ZNF385D: variants seen among roughly 807,000 people sequenced by gnomAD.
ZNF385D encodes the protein zinc finger protein 659.
ZNF385D carries 15 observed loss-of-function variants against 35.8 expected under a neutral mutation model. The observed-to-expected ratio is 0.42, with a 90% CI of 0.28 to 0.64. The LOEUF (loss-of-function observed/expected upper bound fraction) is 0.64. Ranked by LOEUF, ZNF385D falls within the 30% of genes least tolerant of loss-of-function variation. The pLI is 0.23. For synonymous variants in ZNF385D, 212 were observed against 186.8 expected (o/e 1.13, Z -1.10); for missense variants, 474 against 494.6 (o/e 0.96, Z 0.39).
intron 2 of ZNF385D, among the ~76,000 whole-genome samples, chr3:22,346,995 A>T (rs879316711): frequency 5.9e-5 from 9 of 152,162 alleles, no homozygotes; most frequent in Non-Finnish European, 1.3e-4. Context: ...ACCATTTGGG[A>T]CTTTCAATCT....
chr3:21,896,716 T>C (rs564054118), intron 3 of ZNF385D, among the ~76,000 whole-genome samples: 1 of 152,276 alleles, frequency 6.6e-6, no homozygotes, highest in African/African-American at 2.4e-5. Flanking sequence ...AGTTCCTTTT[T>C]GGGAGTGTCA....
chr3:22,190,028 A>G (rs1695909034), intron 2 of ZNF385D, among the ~76,000 whole-genome samples: 1 of 152,152 alleles, frequency 6.6e-6, no homozygotes, highest in Non-Finnish European at 1.5e-5. Context: ...GTTTGGAAAA[A>G]TGAACACTTA....
intron 2 of ZNF385D, among the ~76,000 whole-genome samples, chr3:22,317,280 C>CAAAAAAAAAAAAAAAAAA: frequency 3.8e-5 from 1 of 26,098 alleles, no homozygotes; most frequent in Non-Finnish European, 6.6e-5. Flanking sequence ...ACTCCATCTC[C>CAAAAAAAAAAAAAAAAAA]AAAAAAAAAA....
chr3:21,895,319 CTTTTTTTTT>C (rs34167369), intron 3 of ZNF385D, among the ~76,000 whole-genome samples: 41 of 62,694 alleles, frequency 6.5e-4, no homozygotes, highest in African/African-American at 2.5e-3. Flanking sequence ...AAATGTGTGG[CTTTTTTTTT>C]TTTTTTTTTT....
chr3:21,578,942 A>G (rs1013544001), intron 2 of ZNF385D, among the ~76,000 whole-genome samples: 3 of 152,302 alleles, frequency 2.0e-5, no homozygotes, highest in Middle Eastern at 3.4e-3. Context: ...CTTAATATCT[A>G]TGGAGAAAAC....
intron 3 of ZNF385D, among the ~76,000 whole-genome samples, chr3:21,980,269 C>A (rs1380780941): frequency 6.6e-6 from 1 of 152,146 alleles, no homozygotes; most frequent in Non-Finnish European, 1.5e-5. Context: ...TGTCCAATAA[C>A]TTAACGGTAA....
Position 21,603,967 on chromosome 3 carries a change from C to T in ZNF385D, c.166-39283G>A, listed in dbSNP as rs115089807. On this transcript the variant is annotated intron_variant, in intron 2 of 7. Coordinates refer to ENST00000281523, the MANE Select transcript of ZNF385D (RefSeq NM_024697.3). ...AACTCCAGGCTGAGGCAGTGAAAAG[C>T]CCCCATATAATTCAGTTCAATTATA... Among the ~76,000 whole-genome samples the T allele has an allele frequency of 2.3e-3, 355 of 152,166 alleles. 1 individual carries two copies. Among genetic ancestry groups the T allele is most frequent in the African/African-American group, 8.1e-3 (338 of 41,518 alleles).
intron 2 of ZNF385D, among the ~76,000 whole-genome samples, chr3:22,180,951 C>T (rs1695227755): frequency 9.0e-6 from 1 of 111,280 alleles, no homozygotes. Context: ...TTTGCTTTCT[C>T]CTTCTCTCAT....
chr3:21,810,337 C>T (rs1290143751), intron 3 of ZNF385D, among the ~76,000 whole-genome samples: 1 of 140,738 alleles, frequency 7.1e-6, no homozygotes, highest in Non-Finnish European at 1.5e-5. Context: ...ATCACCATTA[C>T]TTAAAAAAAA....
At chr3:21,475,208 T>C (rs1209110999) in intron 4 of ZNF385D, among the ~76,000 whole-genome samples, 1 of 152,020 alleles carries the variant, frequency 6.6e-6, no homozygotes, top group Non-Finnish European at 1.5e-5. Context: ...AATTGTGGTT[T>C]TTGCCATTAA....
chr3:21,947,837 TA>T (rs1214072140), intron 3 of ZNF385D, among the ~76,000 whole-genome samples: 3 of 152,160 alleles, frequency 2.0e-5, no homozygotes, highest in African/African-American at 4.8e-5. Flanking sequence ...AAGTCAGGGT[TA>T]TGTATTTGTC....
At chr3:22,043,661 C>T (rs1221146910) in intron 3 of ZNF385D, among the ~76,000 whole-genome samples, 1 of 124,684 alleles carries the variant, frequency 8.0e-6, no homozygotes, top group Non-Finnish European at 1.8e-5. Flanking sequence ...CCGAGATGCC[C>T]CACCAGTGAC....
At chr3:21,976,458 C>T (rs1014488543) in intron 3 of ZNF385D, among the ~76,000 whole-genome samples, 2 of 152,014 alleles carry the variant, frequency 1.3e-5, no homozygotes, top group African/African-American at 4.8e-5. Flanking sequence ...AAATTGATAG[C>T]ATGATAGAGG....
intron 3 of ZNF385D, among the ~76,000 whole-genome samples, chr3:21,790,552 T>G (rs1433670699): frequency 6.6e-6 from 1 of 152,174 alleles, no homozygotes; most frequent in Non-Finnish European, 1.5e-5. Flanking sequence ...AAAATGTCAT[T>G]CCTTTATCAG....
chr3:21,502,115 T>A (rs1250424843), intron 4 of ZNF385D, among the ~76,000 whole-genome samples: 2 of 151,906 alleles, frequency 1.3e-5, no homozygotes, highest in Non-Finnish European at 2.9e-5. Flanking sequence ...GGGGTGGGGG[T>A]GCTTTCTCTG....
At chr3:21,800,459 G>GA (rs2072344018) in intron 3 of ZNF385D, among the ~76,000 whole-genome samples, 1 of 151,978 alleles carries the variant, frequency 6.6e-6, no homozygotes, top group Non-Finnish European at 1.5e-5. Flanking sequence ...AATAAAAGTT[G>GA]AACATCTAGT....
chr3:21,904,405 G>C (rs1353504122), intron 3 of ZNF385D, among the ~76,000 whole-genome samples: 1 of 151,354 alleles, frequency 6.6e-6, no homozygotes, highest in Non-Finnish European at 1.5e-5. Context: ...AAAATAAAGT[G>C]TGGCATAGTT....
At chr3:22,144,019 G>A (rs1399265647) in intron 3 of ZNF385D, among the ~76,000 whole-genome samples, 2 of 151,786 alleles carry the variant, frequency 1.3e-5, no homozygotes, top group African/African-American at 2.4e-5. Context: ...TTGAACATGA[G>A]CATTTTATAG....
intron 2 of ZNF385D, among the ~76,000 whole-genome samples, chr3:22,327,193 A>T (rs760412802): frequency 2.0e-5 from 3 of 152,172 alleles, no homozygotes; most frequent in Non-Finnish European, 2.9e-5. Flanking sequence ...ATAATTGAGG[A>T]TGGGCCATAA....
Sources: gnomAD v4.1 joint callset for allele counts (sites outside exome capture counted in the v4.1 genomes callset) on GRCh38, gnomAD v4.1.1 for gene constraint, MANE v1.5 for transcripts, NCBI Gene and HGNC (gene_info 2026-07-23, HGNC 2026-07-21) for gene names.